TMEM132D: variants seen among roughly 807,000 people sequenced by gnomAD.
TMEM132D encodes mature OL transmembrane protein.
TMEM132D carries 21 observed loss-of-function variants against 62.3 expected under a neutral mutation model. The ratio of observed to expected loss-of-function variants is 0.34; its 90% CI spans 0.24 to 0.49. The LOEUF (loss-of-function observed/expected upper bound fraction) is 0.49, where lower values mean the gene tolerates loss of function less well. Among genes scored for constraint, TMEM132D ranks in the 20% least tolerant of loss-of-function variants. The pLI is 0.99. For synonymous variants in TMEM132D, 621 were observed against 575.6 expected, an observed-to-expected ratio of 1.08 and a Z score of -1.13; for missense variants, 1,346 against 1,402.8, an observed-to-expected ratio of 0.96 and a Z score of 0.65.
chr12:129,664,052 A>C (rs1005723380), intron 2 of TMEM132D, among the ~76,000 whole-genome samples: 4 of 152,232 alleles, frequency 2.6e-5, no homozygotes, highest in Non-Finnish European at 4.4e-5. Context: ...TTTTTGGTGA[A>C]GGAAATTATC....
chr12:129,419,382 G>T (rs7959139), intron 3 of TMEM132D, among the ~76,000 whole-genome samples: 1 of 151,920 alleles, frequency 6.6e-6, no homozygotes, highest in Non-Finnish European at 1.5e-5. Flanking sequence ...TTTTCCCTGC[G>T]TATTAGGGGA....
At position 129,829,702 on chromosome 12, in the gene TMEM132D, A is replaced by G. The variant is rs1334018463; in HGVS notation, c.79+73559T>C. On this transcript the variant is annotated intron_variant, in intron 1 of 8. Transcript: ENST00000422113. ...AACTGAGATGAGGCTGGAAAGCTTC[A>G]CTGCAGAGCACAGGAGATGGGGGAG... is the stretch of plus-strand genomic sequence containing the variant. 2.0e-5 allele frequency among the ~76,000 whole-genome samples: 3 copies of G among 152,188 alleles called. No homozygotes were observed. In the East Asian group the frequency reaches 5.8e-4, roughly 29 times the overall value.
At chr12:129,254,529 G>A (rs1880351880) in intron 4 of TMEM132D, among the ~76,000 whole-genome samples, 1 of 152,056 alleles carries the variant, frequency 6.6e-6, no homozygotes, top group Admixed American at 6.5e-5. Context: ...TAATCAAATG[G>A]GGATAAATAT....
intron 3 of TMEM132D, among the ~76,000 whole-genome samples, chr12:129,514,356 A>T (rs1875612087): frequency 6.6e-6 from 1 of 152,166 alleles, no homozygotes; most frequent in Non-Finnish European, 1.5e-5. Flanking sequence ...CAATAGACAG[A>T]GAGACTCTTA....
intron 2 of TMEM132D, among the ~76,000 whole-genome samples, chr12:129,598,763 C>A (rs1257484235): frequency 6.6e-6 from 1 of 152,112 alleles, no homozygotes; most frequent in African/African-American, 2.4e-5. Flanking sequence ...GTAACGATTG[C>A]AGAAATTTTT....
At chr12:129,302,855 G>A (rs1881756243) in intron 4 of TMEM132D, among the ~76,000 whole-genome samples, 1 of 152,162 alleles carries the variant, frequency 6.6e-6, no homozygotes, top group South Asian at 2.1e-4. Flanking sequence ...AAGGAAAGTT[G>A]TGGATATAAA....
At chr12:129,403,321 T>A (rs527905347) in intron 3 of TMEM132D, among the ~76,000 whole-genome samples, 33 of 148,826 alleles carry the variant, frequency 2.2e-4, no homozygotes, top group Non-Finnish European at 4.0e-4. Flanking sequence ...CAGGCATGTC[T>A]CACTTAGGAG....
chr12:129,673,975 T>A (rs1455728153), intron 2 of TMEM132D, among the ~76,000 whole-genome samples: 1 of 152,132 alleles, frequency 6.6e-6, no homozygotes, highest in African/African-American at 2.4e-5. Context: ...GGTCACCCTG[T>A]CAGCTCAGCA....
intron 3 of TMEM132D, among the ~76,000 whole-genome samples, chr12:129,460,869 A>G (rs1031406663): frequency 5.3e-5 from 8 of 152,110 alleles, no homozygotes; most frequent in Non-Finnish European, 8.8e-5. Context: ...TCATTTACAG[A>G]TGACTGTGGA....
chr12:129,270,334 C>A (rs936367873), intron 4 of TMEM132D, among the ~76,000 whole-genome samples: 1 of 152,172 alleles, frequency 6.6e-6, no homozygotes, highest in East Asian at 1.9e-4. Context: ...CTGTAGAACA[C>A]AGGGTACCAC....
intron 1 of TMEM132D, among the ~76,000 whole-genome samples, chr12:129,817,450 AACC>A (rs1872379118): frequency 7.4e-6 from 1 of 135,278 alleles, no homozygotes; most frequent in East Asian, 2.2e-4. Context: ...CTGGGGCACC[AACC>A]GCTCGCTCTC....
intron 5 of TMEM132D, chr12:129,170,348 G>T (rs544365599): frequency 6.6e-6 from 1 of 152,260 alleles, no homozygotes; most frequent in South Asian, 2.1e-4. Context: ...GTTGATACAG[G>T]CACACCTTGG....
chr12:129,464,874 G>A (rs1461220501), intron 3 of TMEM132D, among the ~76,000 whole-genome samples: 1 of 151,786 alleles, frequency 6.6e-6, no homozygotes, highest in Non-Finnish European at 1.5e-5. Flanking sequence ...GGTTACTGTA[G>A]CCTTGTAGTA....
intron 4 of TMEM132D, among the ~76,000 whole-genome samples, chr12:129,233,868 T>TA (rs35852149): frequency 0.29 from 44,669 of 151,538 alleles, 6,581 homozygotes; most frequent in South Asian, 0.3. Flanking sequence ...ATGGATTCAG[T>TA]AAAAAAAAGT....
intron 3 of TMEM132D, among the ~76,000 whole-genome samples, chr12:129,463,462 T>G (rs972738659): frequency 3.2e-4 from 29 of 91,506 alleles, no homozygotes; most frequent in Admixed American, 1.8e-3. Context: ...ATTTATTTAT[T>G]TATTTATGTA....
At chr12:129,079,661 C>G (rs11060121) in intron 7 of TMEM132D, among the ~76,000 whole-genome samples, 1 of 152,262 alleles carries the variant, frequency 6.6e-6, no homozygotes, top group South Asian at 2.1e-4. Context: ...TAGGTCAAGA[C>G]AGCAGTTTTC....
intron 4 of TMEM132D, among the ~76,000 whole-genome samples, chr12:129,298,973 G>T (rs1411400868): frequency 6.6e-6 from 1 of 152,184 alleles, no homozygotes; most frequent in Non-Finnish European, 1.5e-5. Context: ...CAAAACACTT[G>T]TTCTATTAAG....
chr12:129,480,501 G>A (rs55982261), intron 3 of TMEM132D, among the ~76,000 whole-genome samples: 23,604 of 152,176 alleles, frequency 0.16, 2,309 homozygotes, highest in African/African-American at 0.27. Context: ...GATGCTCTGT[G>A]AATGAGCAAA....
chr12:129,071,790 A>G lies in TMEM132D; in HGVS notation c.*2085T>C, dbSNP rs1874073879. 6.6e-6 allele frequency: 1 copy of G among 152,246 alleles called. No homozygotes were observed. Among genetic ancestry groups the G allele is most frequent in the South Asian group, 2.1e-4 (1 of 4,836 alleles). 9.4% of individuals were successfully genotyped at this position (152,246 alleles called of 1,614,324 possible). ...TATAAATATATATTACATTCTTACA[A>G]TCTACAGTACATTCTACACGCAGAT... is the stretch of plus-strand genomic sequence containing the variant. On this transcript the variant is annotated 3_prime_UTR_variant, in exon 9 of 9. Coordinates refer to ENST00000422113, the MANE Select transcript of TMEM132D (RefSeq NM_133448.3).
Sources: gnomAD v4.1 joint callset for allele counts (sites outside exome capture counted in the v4.1 genomes callset) on GRCh38, gnomAD v4.1.1 for gene constraint, MANE v1.5 for transcripts, NCBI Gene and HGNC (gene_info 2026-07-23, HGNC 2026-07-21) for gene names.